CLIC5: variants seen among roughly 807,000 people sequenced by gnomAD.
CLIC5 encodes the protein chloride intracellular channel protein 5.
In CLIC5, 20 loss-of-function variants were observed where a neutral mutation model predicts 24.7. The observed-to-expected ratio is 0.81, with a 90% CI of 0.57 to 1.18. The LOEUF (loss-of-function observed/expected upper bound fraction) is 1.18, where lower values mean the gene tolerates loss of function less well. Ranked by LOEUF, CLIC5 falls within the 50% of genes most tolerant of loss-of-function variation. The pLI is 0.00. For synonymous variants in CLIC5, 159 were observed against 135.6 expected (o/e 1.17, Z -1.20); for missense variants, 341 against 326.1 (o/e 1.05, Z -0.35).
intron 1 of CLIC5, among the ~76,000 whole-genome samples, chr6:45,961,087 T>C (rs368388169): frequency 1.8e-4 from 28 of 152,366 alleles, no homozygotes; most frequent in African/African-American, 6.0e-4. Context: ...TATTTCAAAA[T>C]GTAAGATTTT....
chr6:46,066,040 T>G (rs1201834407), intron 1 of CLIC5, among the ~76,000 whole-genome samples: 1 of 152,156 alleles, frequency 6.6e-6, no homozygotes, highest in African/African-American at 2.4e-5. Flanking sequence ...ACATATTTGC[T>G]GGAATGCACA....
At chr6:45,960,981 A>G (rs952723572) in intron 1 of CLIC5, among the ~76,000 whole-genome samples, 2 of 152,188 alleles carry the variant, frequency 1.3e-5, no homozygotes, top group African/African-American at 2.4e-5. Context: ...CTTTTATCTT[A>G]GTTAAAACTT....
At chr6:46,088,142 G>A in the CLIC5 span, among the ~76,000 whole-genome samples, 1 of 143,520 alleles carries the variant, frequency 7.0e-6, no homozygotes, top group Non-Finnish European at 1.5e-5. Context: ...CTCTATCAGC[G>A]TACTCTCTCG....
intron 3 of CLIC5, among the ~76,000 whole-genome samples, chr6:45,943,296 C>T (rs1764191620): frequency 6.6e-6 from 1 of 152,218 alleles, no homozygotes; most frequent in Admixed American, 6.5e-5. Context: ...AGCCCCAGAA[C>T]CTTAAAGGCT....
chr6:46,071,776 C>G (rs1401809004), intron 1 of CLIC5, among the ~76,000 whole-genome samples: 1 of 152,106 alleles, frequency 6.6e-6, no homozygotes, highest in African/African-American at 2.4e-5. Context: ...ATCATAAAGA[C>G]ACATGGATGC....
At position 46,008,261 on chromosome 6, in the gene CLIC5, C is replaced by A. The variant is rs546945327; in HGVS notation, c.63+7219G>T. Among the ~76,000 whole-genome samples, 3 of 152,294 alleles carry A rather than the reference C, an allele frequency of 2.0e-5. No homozygotes were observed. In the East Asian group the frequency reaches 5.8e-4, roughly 29 times the overall value. ...TTCATATACCACTTGCTTCAGACAA[C>A]CCCGTGTACTCATAAGCCCTGAGCA... On this transcript the variant is annotated intron_variant, in intron 1 of 5. Coordinates refer to ENST00000339561, the MANE Select transcript of CLIC5 (RefSeq NM_016929.5).
At chr6:45,992,919 G>C (rs773173382) in intron 1 of CLIC5, among the ~76,000 whole-genome samples, 1 of 152,128 alleles carries the variant, frequency 6.6e-6, no homozygotes, top group Non-Finnish European at 1.5e-5. Flanking sequence ...ATGTGCATCT[G>C]TGTGTGTGTG....
At chr6:46,039,409 T>C (rs1425606577) in intron 1 of CLIC5, among the ~76,000 whole-genome samples, 1 of 151,686 alleles carries the variant, frequency 6.6e-6, no homozygotes, top group African/African-American at 2.4e-5. Context: ...CAGATATACA[T>C]AGGCAAGAAG....
chr6:46,023,906 C>T (rs995791055), intron 1 of CLIC5, among the ~76,000 whole-genome samples: 2 of 151,142 alleles, frequency 1.3e-5, no homozygotes, highest in Non-Finnish European at 2.9e-5. Context: ...AAAAAAAAAT[C>T]CACCCACAAC....
At chr6:45,963,511 G>T (rs1158693848) in intron 1 of CLIC5, among the ~76,000 whole-genome samples, 1 of 151,938 alleles carries the variant, frequency 6.6e-6, no homozygotes, top group South Asian at 2.1e-4. Context: ...CCTTTTTCTG[G>T]CATTTGCCCT....
At chr6:46,033,549 G>A (rs1047789866) in intron 1 of CLIC5, among the ~76,000 whole-genome samples, 2 of 152,132 alleles carry the variant, frequency 1.3e-5, no homozygotes, top group African/African-American at 2.4e-5. Context: ...TTGGGGGCTG[G>A]ATACCATTCT....
At chr6:45,974,518 T>TATATATATATATATAG (rs1765317229) in intron 1 of CLIC5, among the ~76,000 whole-genome samples, 1 of 84,138 alleles carries the variant, frequency 1.2e-5, no homozygotes, top group Non-Finnish European at 2.3e-5. Flanking sequence ...TATATATATA[T>TATATATATATATATAG]ATATAGAGAG....
intron 1 of CLIC5, among the ~76,000 whole-genome samples, chr6:46,001,879 G>T (rs1172368894): frequency 6.6e-6 from 1 of 152,102 alleles, no homozygotes; most frequent in Non-Finnish European, 1.5e-5. Flanking sequence ...ACAATATCTG[G>T]TGCATAGGAG....
At chr6:46,029,042 T>A (rs1767424579) in intron 1 of CLIC5, among the ~76,000 whole-genome samples, 1 of 152,152 alleles carries the variant, frequency 6.6e-6, no homozygotes, top group Non-Finnish European at 1.5e-5. Flanking sequence ...TTTCCCAGAA[T>A]GTCATGTAGT....
chr6:46,006,656 T>A (rs1443778326), intron 1 of CLIC5, among the ~76,000 whole-genome samples: 1 of 151,220 alleles, frequency 6.6e-6, no homozygotes, highest in Non-Finnish European at 1.5e-5. Flanking sequence ...CATTCCTCCC[T>A]CTCAAATGAT....
chr6:46,031,939 TACAC>T (rs35929799), intron 1 of CLIC5, among the ~76,000 whole-genome samples: 5 of 146,250 alleles, frequency 3.4e-5, no homozygotes, highest in African/African-American at 7.5e-5. Flanking sequence ...TATATATATA[TACAC>T]ACACACACAC....
At chr6:46,002,936 T>C (rs1194371689) in intron 1 of CLIC5, among the ~76,000 whole-genome samples, 1 of 152,212 alleles carries the variant, frequency 6.6e-6, no homozygotes, top group Non-Finnish European at 1.5e-5. Flanking sequence ...TGCCTTCTGA[T>C]TTAGCGCAGC....
At chr6:46,100,355 G>GA in the CLIC5 span, among the ~76,000 whole-genome samples, 1 of 152,186 alleles carries the variant, frequency 6.6e-6, no homozygotes, top group African/African-American at 2.4e-5. Context: ...TTTTAAAGAT[G>GA]AAAAAACTGA....
rs1400330429 is a variant in CLIC5 at position 45,902,160 on chromosome 6, T to G, written c.*928A>C. On this transcript the variant is annotated 3_prime_UTR_variant, in exon 6 of 6. Transcript: ENST00000339561. ...GGGAACATCGAGGCTCATAAAGAAC[T>G]CTTTTGTCTTCACCCATCTCTCCTC... 1.3e-5 allele frequency: 2 copies of G among 152,718 alleles called. No individual in the cohort carries two copies. The highest frequency in any genetic ancestry group is 4.8e-5 in the African/African-American group (2 of 41,420). 9.5% of individuals were successfully genotyped at this position (152,718 alleles called of 1,614,324 possible). A position where few individuals can be genotyped will look rare whatever the true frequency, so the allele number is the denominator to read the frequency against.
Sources: gnomAD v4.1 joint callset for allele counts (sites outside exome capture counted in the v4.1 genomes callset) on GRCh38, gnomAD v4.1.1 for gene constraint, MANE v1.5 for transcripts, NCBI Gene and HGNC (gene_info 2026-07-23, HGNC 2026-07-21) for gene names.